The following FBXL4 variants were observed in gnomAD, a reference collection of about 807,000 sequenced individuals.
FBXL4 encodes the protein F-box and leucine rich repeat protein 4.
FBXL4 carries 40 observed loss-of-function variants against 58.9 expected under a neutral mutation model. The ratio of observed to expected loss-of-function variants is 0.68; its 90% CI spans 0.53 to 0.88. FBXL4 has a LOEUF of 0.88. Among genes scored for constraint, FBXL4 ranks in the 40% least tolerant of loss-of-function variants. The probability of loss-of-function intolerance (pLI) is 0.00; values close to 1 mark genes in which losing one functional copy is unlikely to be tolerated. For missense variants in FBXL4, 676 were observed against 734.4 expected (o/e 0.92, Z 0.92); for synonymous variants, 263 against 265.5 (o/e 0.99, Z 0.09).
chr6:98,874,246 C>A lies in FBXL4; in HGVS notation c.*32G>T. On this transcript the variant is annotated 3_prime_UTR_variant, in exon 10 of 10. Coordinates refer to ENST00000369244, the MANE Select transcript of FBXL4 (RefSeq NM_001278716.2). Reference sequence around the variant, plus strand: ...ATCCCAAAATTAAACCCCAACAAAGCACATTAATTTTAATACAGAACATAT... The same window carrying A: ...ATCCCAAAATTAAACCCCAACAAAGAACATTAATTTTAATACAGAACATAT... The A allele has an allele frequency of 6.8e-7, 1 of 1,475,916 alleles. No individual in the cohort carries two copies. Among genetic ancestry groups the A allele is most frequent in the Non-Finnish European group, 9.0e-7 (1 of 1,111,530 alleles). The allele number at this position is 1,475,916 out of a possible 1,614,324, so 91.4% of individuals were successfully genotyped here.
intron 7 of FBXL4, among the ~76,000 whole-genome samples, chr6:98,885,659 C>T (rs568385574): frequency 4.6e-5 from 7 of 152,324 alleles, no homozygotes; most frequent in East Asian, 3.9e-4. Flanking sequence ...ATCAGCTCTT[C>T]CTGGGTCTTA....
In FBXL4 at chr6:98,899,427, G is replaced by A; in HGVS notation, c.1158C>T (p.His386=). ...ELVRLELSCS[H]FLNETCLEVI... is the part of the protein sequence containing the mutation. ...CTTCTAAGCAAGTTTCATTAAGAAAGTGGCTGCAAGACAATTCAAGGCGTA... is the reference window on the plus strand; with the variant it reads ...CTTCTAAGCAAGTTTCATTAAGAAAATGGCTGCAAGACAATTCAAGGCGTA... The change falls in exon 7 of 10, where the codon CAC becomes CAT. Residue 386 remains histidine (H), a synonymous_variant. Coordinates refer to ENST00000369244, the MANE Select transcript of FBXL4 (RefSeq NM_001278716.2). 6.2e-7 allele frequency: 1 copy of A among 1,613,948 alleles called. No individual in the cohort carries two copies. Among genetic ancestry groups the A allele is most frequent in the Non-Finnish European group, 8.5e-7 (1 of 1,179,940 alleles).
chr6:98,878,361 A>G lies in FBXL4; in HGVS notation c.1389+2192T>C, dbSNP rs1185491844. ...GTAAACAGTTTCTTTGTTGTAGCAC[A>G]CACCATTGTAAAACTCTAAGACCAG... On this transcript the variant is annotated intron_variant, in intron 8 of 9. Transcript: ENST00000369244. 2.0e-5 allele frequency among the ~76,000 whole-genome samples: 3 copies of G among 152,288 alleles called. No homozygotes were observed. In the South Asian group the frequency reaches 6.2e-4, roughly 32 times the overall value.
chr6:98,905,683 G>A lies in FBXL4; in HGVS notation c.859-13C>T. ...TCAGCTGAATAAGCTAAATAAGACA[G>A]AGAAACCAAGATCATCAAGAGTGAA... is the stretch of plus-strand genomic sequence containing the variant. On this transcript the variant is annotated splice_polypyrimidine_tract_variant and intron_variant, in intron 5 of 9. Coordinates refer to ENST00000369244, the MANE Select transcript of FBXL4 (RefSeq NM_001278716.2). The A allele has an allele frequency of 6.2e-7, 1 of 1,609,158 alleles. No homozygotes were observed. Among genetic ancestry groups the A allele is most frequent in the East Asian group, 2.2e-5 (1 of 44,744 alleles).
At chr6:98,906,493 A>G (rs1005797581) in intron 5 of FBXL4, among the ~76,000 whole-genome samples, 1 of 152,316 alleles carries the variant, frequency 6.6e-6, no homozygotes, top group Admixed American at 6.5e-5. Flanking sequence ...CCTGCAAAGG[A>G]CATGAACTCA....
intron 1 of FBXL4, among the ~76,000 whole-genome samples, chr6:98,939,930 C>T (rs1317045370): frequency 6.6e-6 from 1 of 152,194 alleles, no homozygotes; most frequent in Non-Finnish European, 1.5e-5. Flanking sequence ...AAGCTCACTG[C>T]AATAGTAACT....
At chr6:98,907,793 T>C (rs1771870307) in intron 5 of FBXL4, among the ~76,000 whole-genome samples, 1 of 152,142 alleles carries the variant, frequency 6.6e-6, no homozygotes, top group Non-Finnish European at 1.5e-5. Context: ...AGGTCAGATT[T>C]TCACTGTTTT....
chr6:98,946,150 C>A (rs1326247391), intron 1 of FBXL4, among the ~76,000 whole-genome samples: 3 of 152,100 alleles, frequency 2.0e-5, no homozygotes, highest in Non-Finnish European at 4.4e-5. Flanking sequence ...ATAAGAGCAT[C>A]ACAGAAGCCA....
intron 7 of FBXL4, among the ~76,000 whole-genome samples, chr6:98,891,742 AT>A (rs1771236642): frequency 7.0e-6 from 1 of 143,510 alleles, no homozygotes; most frequent in East Asian, 2.2e-4. Flanking sequence ...AAAAAAAAAA[AT>A]TTAAAGACAT....
chr6:98,890,410 T>C (rs977511755), intron 7 of FBXL4, among the ~76,000 whole-genome samples: 8 of 152,222 alleles, frequency 5.3e-5, no homozygotes, highest in African/African-American at 9.6e-5. Flanking sequence ...ATCAGAGCAC[T>C]ATCTCAGAGT....
chr6:98,923,158 G>C (rs761673158), intron 4 of FBXL4, among the ~76,000 whole-genome samples: 1 of 151,990 alleles, frequency 6.6e-6, no homozygotes, highest in Non-Finnish European at 1.5e-5. Flanking sequence ...GAGTATAAGG[G>C]CCCAGCTCTC....
chr6:98,920,555 C>T (rs1301696667), intron 4 of FBXL4, among the ~76,000 whole-genome samples: 1 of 151,012 alleles, frequency 6.6e-6, no homozygotes, highest in Non-Finnish European at 1.5e-5. Flanking sequence ...AAAAAAAAGA[C>T]AGAAAAATTA....
chr6:98,915,019 C>T (rs1033670516), intron 5 of FBXL4, among the ~76,000 whole-genome samples: 24 of 152,116 alleles, frequency 1.6e-4, no homozygotes, highest in African/African-American at 5.8e-4. Context: ...TTCTTATACA[C>T]CAATAACAGA....
At chr6:98,886,513 T>C (rs2128382592) in intron 7 of FBXL4, among the ~76,000 whole-genome samples, 1 of 152,370 alleles carries the variant, frequency 6.6e-6, no homozygotes, top group African/African-American at 2.4e-5. Context: ...CTATGTGTTC[T>C]TGTTTTAGTC....
chr6:98,879,933 A>T (rs1171891806), intron 8 of FBXL4, among the ~76,000 whole-genome samples: 1 of 113,996 alleles, frequency 8.8e-6, no homozygotes, highest in Non-Finnish European at 1.7e-5. Context: ...ACAGAGCAAG[A>T]CTCCATCTCA....
rs773850151 is a variant in FBXL4 at position 98,899,353 on chromosome 6, C to G, written c.1232G>C (p.Cys411Ser). The G allele has an allele frequency of 6.2e-7, 1 of 1,613,818 alleles. No individual in the cohort carries two copies. The highest frequency in any genetic ancestry group is 8.5e-7 in the Non-Finnish European group (1 of 1,179,970). The stretch of plus-strand genomic sequence containing the variant: ...GAAAGCTTGAGGTGGTAGCTTATCA[C>G]AGGAGGAGAGATTTAAGGCCTGTAG... Reference protein sequence around the residue: ...PNLQALNLSSCDKLPPQAFNH... With the variant: ...PNLQALNLSSSDKLPPQAFNH... The change falls in exon 7 of 10, where the codon TGT (cysteine) becomes TCT (serine). Residue 411 changes from cysteine (C) to serine (S), a missense_variant. By Grantham distance (112) the Cys-to-Ser change is moderately radical (BLOSUM62 -1). Transcript: ENST00000369244.
intron 1 of FBXL4, among the ~76,000 whole-genome samples, chr6:98,944,416 A>G (rs1313442528): frequency 6.6e-6 from 1 of 152,252 alleles, no homozygotes; most frequent in East Asian, 1.9e-4. Flanking sequence ...ATGATCATGC[A>G]AGTAAAAACG....
chr6:98,915,128 A>G (rs201121728), intron 5 of FBXL4, among the ~76,000 whole-genome samples: 1 of 151,988 alleles, frequency 6.6e-6, no homozygotes, highest in Middle Eastern at 3.4e-3. Context: ...TGAAGGACCT[A>G]TTCAAGGAGA....
At chr6:98,899,754 T>G (rs1172157290) in intron 6 of FBXL4, among the ~76,000 whole-genome samples, 1 of 152,112 alleles carries the variant, frequency 6.6e-6, no homozygotes, top group Non-Finnish European at 1.5e-5. Context: ...AAGATATATT[T>G]TTCCCACTTA....
Sources: gnomAD v4.1 joint callset for allele counts (sites outside exome capture counted in the v4.1 genomes callset) on GRCh38, gnomAD v4.1.1 for gene constraint, MANE v1.5 for transcripts, NCBI Gene and HGNC (gene_info 2026-07-23, HGNC 2026-07-21) for gene names.